The following SHTN1 variants were observed in gnomAD, a reference collection of about 807,000 sequenced individuals.
SHTN1 encodes shootin-1.
A neutral mutation model predicts 83.1 loss-of-function variants in SHTN1; 42 were observed. The observed-to-expected ratio is 0.51, with a 90% CI of 0.39 to 0.65. The LOEUF is 0.65. Ranked by LOEUF, SHTN1 falls within the 30% of genes least tolerant of loss-of-function variation. The probability of loss-of-function intolerance (pLI) is 0.00; values close to 1 mark genes in which losing one functional copy is unlikely to be tolerated. For synonymous variants in SHTN1, 224 were observed against 247.7 expected, an observed-to-expected ratio of 0.90 and a Z score of 0.90; for missense variants, 622 against 737.8, an observed-to-expected ratio of 0.84 and a Z score of 1.82.
intron 1 of SHTN1, among the ~76,000 whole-genome samples, chr10:117,101,778 A>G (rs1289238341): frequency 6.6e-6 from 1 of 152,200 alleles, no homozygotes; most frequent in Non-Finnish European, 1.5e-5. Context: ...TGTATTCCAG[A>G]TACTATACCA....
Position 116,951,292 on chromosome 10 carries a change from G to A in SHTN1, c.534+617C>T, listed in dbSNP as rs538267390. Among the ~76,000 whole-genome samples, 6 of 152,248 alleles carry A rather than the reference G, an allele frequency of 3.9e-5. No homozygotes were observed. The South Asian group carries it at 1.0e-3, about 26-fold the overall frequency. ...TTAAAAATCAGGCAGGCGTGGTGAC[G>A]CATGCCTGTACTCTCAGCTATTTGG... On this transcript the variant is annotated intron_variant, in intron 6 of 16. Coordinates refer to ENST00000355371, the MANE Select transcript of SHTN1 (RefSeq NM_001127211.3).
chr10:116,901,081 A>C, intron 16 of SHTN1: 1 of 985,372 alleles, frequency 1.0e-6, no homozygotes, highest in Non-Finnish European at 1.2e-6. Context: ...GATTTGTCTC[A>C]CCTCTTCCTT....
chr10:117,065,790 AAGG>A (rs1852982431), intron 1 of SHTN1, among the ~76,000 whole-genome samples: 1 of 13,288 alleles, frequency 7.5e-5, no homozygotes, highest in Non-Finnish European at 1.5e-4. Context: ...GAAAGGAAGG[AAGG>A]AAGGAAGGAA....
chr10:117,118,303 G>C (rs1853877391), intron 1 of SHTN1, among the ~76,000 whole-genome samples: 1 of 142,796 alleles, frequency 7.0e-6, no homozygotes, highest in Non-Finnish European at 1.5e-5. Context: ...ATGAAGAAAT[G>C]CTCAACATCC....
At chr10:116,921,373 A>T (rs1848558513) in intron 12 of SHTN1, 61 bp downstream of exon 12, 1 of 1,184,642 alleles carries the variant, frequency 8.4e-7, no homozygotes, top group Non-Finnish European at 1.3e-6. Context: ...CTTAACAAAT[A>T]TGTGAATTGC....
chr10:116,926,454 C>A (rs1445158637), intron 11 of SHTN1, among the ~76,000 whole-genome samples: 2 of 152,296 alleles, frequency 1.3e-5, no homozygotes, highest in East Asian at 3.9e-4. Flanking sequence ...GAAATTCTTT[C>A]AATTGACTCT....
chr10:117,051,662 C>T (rs1413089756), intron 1 of SHTN1, among the ~76,000 whole-genome samples: 1 of 151,456 alleles, frequency 6.6e-6, no homozygotes. Context: ...GAGGAGGAAC[C>T]ATATGATCTC....
chr10:117,055,372 C>G (rs1852813201), intron 1 of SHTN1, among the ~76,000 whole-genome samples: 1 of 152,174 alleles, frequency 6.6e-6, no homozygotes, highest in South Asian at 2.1e-4. Context: ...CTTATACTGG[C>G]TCAGAATAAA....
At chr10:116,901,554 T>C in intron 16 of SHTN1, 1 of 985,348 alleles carries the variant, frequency 1.0e-6, no homozygotes, top group Non-Finnish European at 1.2e-6. Context: ...GGGAAGTAAT[T>C]CTCTTTGTAC....
At chr10:116,987,885 A>C (rs1015318588) in intron 1 of SHTN1, among the ~76,000 whole-genome samples, 1 of 151,906 alleles carries the variant, frequency 6.6e-6, no homozygotes, top group African/African-American at 2.4e-5. Context: ...ACTGCACTCC[A>C]ATCTGGTAAC....
chr10:117,058,540 G>A (rs750165211), intron 1 of SHTN1, among the ~76,000 whole-genome samples: 1 of 152,144 alleles, frequency 6.6e-6, no homozygotes. Context: ...ACATGCTGGT[G>A]GGGATAGGAG....
intron 1 of SHTN1, among the ~76,000 whole-genome samples, chr10:117,109,532 C>CA (rs5788211): frequency 0.9 from 116,781 of 130,098 alleles, 53,511 homozygotes; most frequent in Non-Finnish European, 0.98. Context: ...TAAAATTTTC[C>CA]AAAGGCATTA....
exon 1 of SHTN1, chr10:117,126,368 G>A: frequency 1.2e-5 from 2 of 171,526 alleles, no homozygotes; most frequent in Non-Finnish European, 2.5e-5. Flanking sequence ...GCTGCGTGAG[G>A]TGCCGGGTCC....
intron 6 of SHTN1, among the ~76,000 whole-genome samples, 178 bp downstream of exon 6, chr10:116,951,731 T>C (rs1256285263): frequency 6.6e-6 from 1 of 152,226 alleles, no homozygotes; most frequent in Non-Finnish European, 1.5e-5. Context: ...GGTACATGAA[T>C]CTTCATCATC....
At position 117,041,357 on chromosome 10, in the gene SHTN1, C is replaced by T. The variant is rs76890137; in HGVS notation, c.-123+7088G>A. ...GTGACTCCTCGAATTTAGTAGCTACCTATTTTTATTAAAATCAATCTTCAA... is the reference window on the plus strand; with the variant it reads ...GTGACTCCTCGAATTTAGTAGCTACTTATTTTTATTAAAATCAATCTTCAA... On this transcript the variant is annotated intron_variant, in intron 2 of 17. Transcript: ENST00000392901. Among the ~76,000 whole-genome samples the T allele has an allele frequency of 4.4e-3, 677 of 152,206 alleles. 3 individuals carry two copies. Among genetic ancestry groups the T allele is most frequent in the Non-Finnish European group, 7.1e-3 (485 of 68,018 alleles).
At chr10:116,967,002 T>C (rs565733344) in intron 3 of SHTN1, among the ~76,000 whole-genome samples, 1 of 152,376 alleles carries the variant, frequency 6.6e-6, no homozygotes, top group East Asian at 1.9e-4. Flanking sequence ...AACCAGACAC[T>C]GAAGTAAACT....
chr10:117,105,835 T>C (rs930992347), intron 1 of SHTN1, among the ~76,000 whole-genome samples: 1 of 152,010 alleles, frequency 6.6e-6, no homozygotes, highest in Non-Finnish European at 1.5e-5. Context: ...CCGGGCAACA[T>C]AGTGAAACCC....
Position 116,930,006 on chromosome 10 carries a change from T to A in SHTN1, c.859-4A>T. ...GTTGCTCTTCTAATTCTTTGACCTA[T>A]AAGTTATTTAAAAAAAAAAGACTTT... On this transcript the variant is annotated splice_region_variant and splice_polypyrimidine_tract_variant and intron_variant, in intron 9 of 16. Coordinates refer to ENST00000355371, the MANE Select transcript of SHTN1 (RefSeq NM_001127211.3). 6.6e-7 allele frequency: 1 copy of A among 1,522,462 alleles called. No individual in the cohort carries two copies. The highest frequency in any genetic ancestry group is 8.8e-7 in the Non-Finnish European group (1 of 1,137,428). The allele number at this position is 1,522,462 out of a possible 1,614,324, so 94.3% of individuals were successfully genotyped here. A position where few individuals can be genotyped will look rare whatever the true frequency, so the allele number is the denominator to read the frequency against.
rs964279813 is a variant in SHTN1, at chr10:117,121,986, C to T, written c.-189+4321G>A. ...GGAGAAGCTTGCAATGAGCTGAGAT[C>T]GCGCCACTGCACTCCAGCCTGGGCG... On this transcript the variant is annotated intron_variant, in intron 1 of 17. Coordinates refer to the SHTN1 transcript ENST00000392901. Among the ~76,000 whole-genome samples the T allele has an allele frequency of 2.6e-5, 4 of 151,958 alleles. No homozygotes were observed. The South Asian group carries it at 6.2e-4, about 24-fold the overall frequency.
Sources: gnomAD v4.1 joint callset for allele counts (sites outside exome capture counted in the v4.1 genomes callset) on GRCh38, gnomAD v4.1.1 for gene constraint, MANE v1.5 for transcripts, NCBI Gene and HGNC (gene_info 2026-07-23, HGNC 2026-07-21) for gene names.